The following EYA2 variants were observed in gnomAD, a reference collection of about 807,000 sequenced individuals.
The protein encoded by EYA2 is protein phosphatase EYA2.
In EYA2, 31 loss-of-function variants were observed where a neutral mutation model predicts 69.2. The observed-to-expected ratio is 0.45, with a 90% CI of 0.34 to 0.60. The LOEUF is 0.60. Ranked by LOEUF, EYA2 falls within the 20% of genes least tolerant of loss-of-function variation. The pLI is 0.02. For missense variants in EYA2, 622 were observed against 701.2 expected (o/e 0.89, Z 1.28); for synonymous variants, 257 against 279.4 (o/e 0.92, Z 0.80).
chr20:47,160,660 A>G (rs1195762562), intron 10 of EYA2, among the ~76,000 whole-genome samples: 1 of 152,110 alleles, frequency 6.6e-6, no homozygotes, highest in African/African-American at 2.4e-5. Context: ...GGAACATAGA[A>G]GGTGATCAGT....
At chr20:46,948,932 TG>T (rs1303027679) in intron 1 of EYA2, among the ~76,000 whole-genome samples, 1 of 152,246 alleles carries the variant, frequency 6.6e-6, no homozygotes, top group Non-Finnish European at 1.5e-5. Flanking sequence ...TATTATTTAT[TG>T]TGTCAGGGAA....
At chr20:47,000,151 T>G (rs1982270856) in intron 2 of EYA2, among the ~76,000 whole-genome samples, 1 of 152,194 alleles carries the variant, frequency 6.6e-6, no homozygotes. Context: ...AATAGAACCT[T>G]TCTCACAGGG....
Position 47,004,783 on chromosome 20 carries a change from C to G in EYA2, c.156-159C>G, listed in dbSNP as rs1022314498. 11 of 967,888 alleles carry G rather than the reference C, an allele frequency of 1.1e-5. No homozygotes were observed. In the African/African-American group the frequency reaches 1.8e-4, roughly 15 times the overall value. The allele number at this position is 967,888 out of a possible 1,614,324, so 60.0% of individuals were successfully genotyped here. A position where few individuals can be genotyped will look rare whatever the true frequency, so the allele number is the denominator to read the frequency against. On this transcript the variant is annotated intron_variant, in intron 3 of 15. Transcript: ENST00000327619. ...CAGAAAATGTAATCTTCCTGCTTCC[C>G]AGGCAGAGGAAAATAAAATGGGATT...
chr20:47,173,068 C>T (rs3746489), intron 12 of EYA2, among the ~76,000 whole-genome samples: 84,360 of 151,708 alleles, frequency 0.56, 25,220 homozygotes, highest in African/African-American at 0.8. Flanking sequence ...AGCTGAGGGA[C>T]GGAGGCTGCA....
At chr20:46,945,460 G>A (rs1409193246) in intron 1 of EYA2, among the ~76,000 whole-genome samples, 1 of 152,208 alleles carries the variant, frequency 6.6e-6, no homozygotes, top group Non-Finnish European at 1.5e-5. Context: ...CTGTGAAAAA[G>A]GAATGAATTT....
rs1017755041 is a variant in EYA2, at chr20:47,005,042, G to A, written c.256G>A (p.Ala86Thr). ...GATCCAGCAGGCTACCCCCTATACA[G>A]CTTACCCACCTCCAGCACAAGCCTA... ...AGIQQATPYTAYPPPAQAYGI... is the reference protein window; with the variant it reads ...AGIQQATPYTTYPPPAQAYGI... Residue 86 changes from alanine to threonine, a missense_variant, in exon 4 of 16, where the codon GCT becomes ACT. Around this residue, in one of 2 missense-constraint regions of EYA2, gnomAD observed 365 missense variants for 349.7 expected, o/e 1.04. Transcript: ENST00000327619. The A allele has an allele frequency of 6.8e-6, 11 of 1,613,904 alleles. No individual in the cohort carries two copies. The highest frequency in any genetic ancestry group is 1.7e-4 in the Middle Eastern group (1 of 6,056).
At chr20:47,016,050 A>G (rs1238368392) in intron 4 of EYA2, 131 bp from the exon 5 acceptor site, 5 of 712,748 alleles carry the variant, frequency 7.0e-6, no homozygotes, top group Non-Finnish European at 5.1e-6. Context: ...ACAAGCCACC[A>G]GTTTGCAACT....
intron 5 of EYA2, among the ~76,000 whole-genome samples, chr20:47,030,649 C>T (rs1001274235): frequency 5.3e-5 from 8 of 152,128 alleles, no homozygotes; most frequent in Admixed American, 3.3e-4. Context: ...GCTAGAAGTC[C>T]CAGATGGAGG....
Position 47,016,251 on chromosome 20 carries a change from C to T in EYA2, c.369C>T (p.Phe123=). ...GATTCCTCAGCTATGGCTCCAGCTT[C>T]AGCACCTCACCCACTGGACAGAGCC... The part of the protein sequence containing the change: ...QSGFLSYGSS[F]STSPTGQSPY... Residue 123 remains phenylalanine (F), a synonymous_variant, in exon 5 of 16, where the codon TTC becomes TTT. Coordinates refer to ENST00000327619, the MANE Select transcript of EYA2 (RefSeq NM_005244.5). 6.2e-7 allele frequency: 1 copy of T among 1,614,224 alleles called. No homozygotes were observed. The highest frequency in any genetic ancestry group is 8.5e-7 in the Non-Finnish European group (1 of 1,180,032).
intron 15 of EYA2, among the ~76,000 whole-genome samples, chr20:47,187,371 A>C (rs376275395): frequency 1.3e-5 from 2 of 152,224 alleles, no homozygotes; most frequent in African/African-American, 4.8e-5. Context: ...GAAAGAAAAA[A>C]AAAACTCCAC....
chr20:46,973,260 A>G (rs1173151083), intron 1 of EYA2, among the ~76,000 whole-genome samples: 1 of 152,260 alleles, frequency 6.6e-6, no homozygotes, highest in East Asian at 1.9e-4. Context: ...AGGCAGACAG[A>G]CAAATACAGA....
At chr20:47,013,529 A>G (rs549275136) in intron 4 of EYA2, among the ~76,000 whole-genome samples, 3 of 152,260 alleles carry the variant, frequency 2.0e-5, no homozygotes, top group Admixed American at 1.3e-4. Context: ...TGTACATTTC[A>G]TCTTGGATTG....
At chr20:47,094,761 G>A (rs549463566) in intron 8 of EYA2, among the ~76,000 whole-genome samples, 28 of 152,342 alleles carry the variant, frequency 1.8e-4, no homozygotes, top group South Asian at 1.2e-3. Flanking sequence ...TTAGCCAGGC[G>A]TAGTGGCTCA....
chr20:47,115,613 C>A (rs116228209), intron 9 of EYA2, among the ~76,000 whole-genome samples: 1 of 152,206 alleles, frequency 6.6e-6, no homozygotes, highest in African/African-American at 2.4e-5. Context: ...CCAGCTCCCC[C>A]ACCACCTCCT....
chr20:46,994,965 A>C (rs60792734), intron 2 of EYA2, among the ~76,000 whole-genome samples: 1 of 151,616 alleles, frequency 6.6e-6, no homozygotes, highest in African/African-American at 2.4e-5. Flanking sequence ...CAGTGGCACG[A>C]TCTCGGCTCA....
chr20:46,986,341 G>GTA (rs943907809), intron 1 of EYA2, among the ~76,000 whole-genome samples: 20 of 68,630 alleles, frequency 2.9e-4, no homozygotes, highest in African/African-American at 8.9e-4. Flanking sequence ...TATATCTAAT[G>GTA]TATATATATA....
At chr20:47,091,891 G>C (rs2032098255) in intron 8 of EYA2, among the ~76,000 whole-genome samples, 1 of 152,212 alleles carries the variant, frequency 6.6e-6, no homozygotes, top group African/African-American at 2.4e-5. Flanking sequence ...AAACATTTTA[G>C]AGTGCAGTGT....
At chr20:46,908,416 G>A (rs1234882722) in intron 1 of EYA2, among the ~76,000 whole-genome samples, 1 of 152,214 alleles carries the variant, frequency 6.6e-6, no homozygotes, top group African/African-American at 2.4e-5. Flanking sequence ...CCTGAATTGG[G>A]AGCAGCCAGT....
intron 11 of EYA2, among the ~76,000 whole-genome samples, chr20:47,171,404 T>C (rs2034319760): frequency 6.6e-6 from 1 of 152,196 alleles, no homozygotes; most frequent in African/African-American, 2.4e-5. Context: ...TTTTGTTTTG[T>C]TTTGTTTTGT....
Sources: gnomAD v4.1 joint callset for allele counts (sites outside exome capture counted in the v4.1 genomes callset) on GRCh38, gnomAD v4.1.1 for gene constraint, gnomAD v4.1.1 regional missense constraint, MANE v1.5 for transcripts, NCBI Gene and HGNC (gene_info 2026-07-23, HGNC 2026-07-21) for gene names.